POR: variants seen among roughly 807,000 people sequenced by gnomAD.
POR encodes cytochrome p450 oxidoreductase, also known as NADPH--cytochrome P450 reductase.
Under a neutral mutation model 84.0 loss-of-function variants are expected in POR, and 56 were observed. The observed-to-expected ratio is 0.67, with a 90% CI of 0.54 to 0.83. The LOEUF (loss-of-function observed/expected upper bound fraction) is 0.83, where lower values mean the gene tolerates loss of function less well. Among genes scored for constraint, POR ranks in the 40% least tolerant of loss-of-function variants. The pLI, the probability that POR is intolerant of heterozygous loss-of-function variation, is 0.00. For synonymous variants in POR, 414 were observed against 400.5 expected (o/e 1.03, Z -0.40); for missense variants, 938 against 944.3 (o/e 0.99, Z 0.09).
rs782680919 is a variant in POR at position 75,986,424 on chromosome 7, G to A, written c.1986G>A (p.Val662=). ...GGGCCATGGAGCACGCGCAGGCGGT[G>A]GACTACATCAAGAAACTGATGACCA... The change falls in exon 16 of 16, where the codon GTG becomes GTA. Residue 662 remains valine (V), a synonymous_variant. Coordinates refer to ENST00000461988, the MANE Select transcript of POR (RefSeq NM_000941.3). 7 of 1,612,338 alleles carry A rather than the reference G, an allele frequency of 4.3e-6. No individual in the cohort carries two copies. The Admixed American group carries it at 5.0e-5, about 12-fold the overall frequency.
intron 2 of POR, among the ~76,000 whole-genome samples, 160 bp downstream of exon 2, chr7:75,954,340 C>T (rs142680820): frequency 1.8e-4 from 27 of 152,216 alleles, no homozygotes; most frequent in Non-Finnish European, 2.8e-4. Context: ...CTTGAGCTCT[C>T]CCTTAATCAT....
In POR at chr7:75,985,940, A is replaced by G; in HGVS notation, c.1687A>G (p.Thr563Ala). ...CCACGCAGGCAAGGAGGTGGGGGAG[A>G]CGCTGCTGTACTACGGCTGCCGCCG... The change falls in exon 14 of 16, where the codon ACG becomes GCG. Residue 563 changes from threonine (T) to alanine (A), a missense_variant. Transcript: ENST00000461988. 6.3e-7 allele frequency: 1 copy of G among 1,587,924 alleles called. No homozygotes were observed. Among genetic ancestry groups the G allele is most frequent in the Non-Finnish European group, 8.6e-7 (1 of 1,167,922 alleles).
At chr7:75,966,455 A>G (rs1224583081) in intron 2 of POR, among the ~76,000 whole-genome samples, 1 of 152,238 alleles carries the variant, frequency 6.6e-6, no homozygotes, top group East Asian at 1.9e-4. Flanking sequence ...CCGTCCTGCC[A>G]GAGCAGGCTG....
At chr7:75,927,151 C>T (rs782417830) in intron 1 of POR, among the ~76,000 whole-genome samples, 1 of 152,154 alleles carries the variant, frequency 6.6e-6, no homozygotes, top group Non-Finnish European at 1.5e-5. Flanking sequence ...GGTCCTTTAA[C>T]CTTTGTGATA....
At chr7:75,943,382 T>C (rs1787034996) in intron 1 of POR, among the ~76,000 whole-genome samples, 1 of 152,250 alleles carries the variant, frequency 6.6e-6, no homozygotes, top group Admixed American at 6.5e-5. Context: ...ACTGCTAAGC[T>C]GCTGAACTGC....
At chr7:75,956,543 C>G (rs1554553768) in intron 2 of POR, among the ~76,000 whole-genome samples, 1 of 152,170 alleles carries the variant, frequency 6.6e-6, no homozygotes, top group East Asian at 1.9e-4. Context: ...GCAGTATTCC[C>G]AATCTTGTGG....
chr7:75,933,581 G>C (rs528981571), intron 1 of POR, among the ~76,000 whole-genome samples: 1 of 151,524 alleles, frequency 6.6e-6, no homozygotes, highest in Admixed American at 6.6e-5. Flanking sequence ...GTAGAGATGG[G>C]GGTTTCACCA....
At position 75,954,062 on chromosome 7, in the gene POR, T is replaced by C. The variant is rs1230396839; in HGVS notation, c.70T>C (p.Ser24Pro). 16 of 1,612,402 alleles carry C rather than the reference T, an allele frequency of 9.9e-6. No homozygotes were observed. The highest frequency in any genetic ancestry group is 2.2e-5 in the East Asian group (1 of 44,860). The change falls in exon 2 of 16, where the codon TCT (serine) becomes CCT (proline). Residue 24 changes from serine (S) to proline (P), a missense_variant. Physicochemically the swap from Ser to Pro is moderately conservative, Grantham distance 74 (BLOSUM62 -1). Coordinates refer to ENST00000461988, the MANE Select transcript of POR (RefSeq NM_000941.3). ...GTCCGAGGCGGTGGCCGAAGAAGTA[T>C]CTCTTTTCAGCATGACGGACATGAT... is the stretch of plus-strand genomic sequence containing the variant.
chr7:75,986,361 T>C lies in POR; in HGVS notation c.1923T>C (p.Asp641=), dbSNP rs1362210703. The change falls in exon 16 of 16, where the codon GAT becomes GAC. Residue 641 remains aspartate, a synonymous_variant. Coordinates refer to ENST00000461988, the MANE Select transcript of POR (RefSeq NM_000941.3). The stretch of plus-strand genomic sequence containing the variant: ...GGGATGCACGGAACATGGCCAGGGA[T>C]GTGCAGAACACCTTCTACGACATCG... 1 of 1,612,354 alleles carries C rather than the reference T, an allele frequency of 6.2e-7. No homozygotes were observed. The highest frequency in any genetic ancestry group is 8.5e-7 in the Non-Finnish European group (1 of 1,179,810).
At chr7:75,976,059 G>A (rs1390412201) in intron 3 of POR, among the ~76,000 whole-genome samples, 1 of 151,932 alleles carries the variant, frequency 6.6e-6, no homozygotes, top group Non-Finnish European at 1.5e-5. Flanking sequence ...TTTTCCATTG[G>A]CGTGAGTCCT....
intron 1 of POR, 141 bp downstream of exon 1, chr7:75,915,320 G>A (rs1806494356): frequency 6.6e-6 from 1 of 152,464 alleles, no homozygotes; most frequent in Non-Finnish European, 1.5e-5. Context: ...CTGCGCGTCT[G>A]GCCCGACGCT....
Position 75,983,792 on chromosome 7 carries a change from C to A in POR, c.1002C>A (p.Val334=), listed in dbSNP as rs782440366. 1.9e-6 allele frequency: 3 copies of A among 1,612,308 alleles called. No homozygotes were observed. Among genetic ancestry groups the A allele is most frequent in the African/African-American group, 1.3e-5 (1 of 74,946 alleles). Residue 334 remains valine (V), a synonymous_variant, in exon 10 of 16, where the codon GTC becomes GTA. Coordinates refer to ENST00000461988, the MANE Select transcript of POR (RefSeq NM_000941.3). Reference sequence around the variant, plus strand: ...ACCCAGCCAACGACTCTGCTCTCGTCAACCAGCTGGGCAAAATCCTGGGTG... The same window carrying A: ...ACCCAGCCAACGACTCTGCTCTCGTAAACCAGCTGGGCAAAATCCTGGGTG...
At chr7:75,940,419 G>A (rs1554551370) in intron 1 of POR, among the ~76,000 whole-genome samples, 1 of 152,046 alleles carries the variant, frequency 6.6e-6, no homozygotes, top group African/African-American at 2.4e-5. Flanking sequence ...CTAACAAGCA[G>A]CTGATTTCCC....
At chr7:75,973,795 C>T (rs1442332126) in intron 3 of POR, among the ~76,000 whole-genome samples, 3 of 151,228 alleles carry the variant, frequency 2.0e-5, no homozygotes, top group Admixed American at 6.6e-5. Flanking sequence ...GATTCTCCCG[C>T]ATCAGCCTCC....
intron 2 of POR, among the ~76,000 whole-genome samples, chr7:75,967,433 T>C (rs4732511): frequency 0.93 from 141,428 of 152,116 alleles, 65,930 homozygotes; most frequent in Middle Eastern, 0.97. Flanking sequence ...ACAGGATGCT[T>C]CCCGCTGACA....
chr7:75,948,112 A>G (rs1554552337), intron 1 of POR, among the ~76,000 whole-genome samples: 1 of 152,092 alleles, frequency 6.6e-6, no homozygotes, highest in Admixed American at 6.5e-5. Context: ...TCCTAAGTAG[A>G]GGGCGGTGAG....
intron 1 of POR, among the ~76,000 whole-genome samples, chr7:75,929,649 C>T (rs892473372): frequency 2.6e-5 from 4 of 152,166 alleles, no homozygotes; most frequent in African/African-American, 9.7e-5. Flanking sequence ...ATACGGTGCC[C>T]TCTGAGGCCT....
chr7:75,964,582 A>G (rs980488005), intron 2 of POR, among the ~76,000 whole-genome samples: 2 of 152,212 alleles, frequency 1.3e-5, no homozygotes, highest in Admixed American at 6.5e-5. Context: ...TGTTGGGATT[A>G]CAGGTGTGAG....
At chr7:75,937,471 CAAA>C (rs782343328) in intron 1 of POR, among the ~76,000 whole-genome samples, 81 of 20,136 alleles carry the variant, frequency 4.0e-3, no homozygotes, top group African/African-American at 0.013. Flanking sequence ...GACCCTGTCT[CAAA>C]AAAAAAAAAA....
Sources: allele counts gnomAD v4.1 joint callset (sites outside exome capture counted in the v4.1 genomes callset), GRCh38; gene constraint gnomAD v4.1.1; transcripts MANE v1.5; gene names NCBI Gene and HGNC (gene_info 2026-07-23, HGNC 2026-07-21).